The following TPD52 variants were observed in gnomAD, a reference collection of about 807,000 sequenced individuals.
TPD52 encodes the protein prostate and colon associated protein.
Under a neutral mutation model 31.3 loss-of-function variants are expected in TPD52, and 17 were observed. That is an observed-to-expected ratio of 0.54 (90% CI 0.37 to 0.82). The LOEUF (loss-of-function observed/expected upper bound fraction) is 0.82, where lower values mean the gene tolerates loss of function less well. Among genes scored for constraint, TPD52 ranks in the 40% least tolerant of loss-of-function variants. The pLI is 0.00. For missense variants in TPD52, 212 were observed against 240.1 expected (o/e 0.88, Z 0.77); for synonymous variants, 83 against 89.6 (o/e 0.93, Z 0.42).
intron 1 of TPD52, among the ~76,000 whole-genome samples, chr8:80,092,587 C>T (rs1428968152): frequency 6.6e-6 from 1 of 151,924 alleles, no homozygotes; most frequent in Non-Finnish European, 1.5e-5. Flanking sequence ...TACTACTTGG[C>T]CATAAAAAAA....
chr8:80,146,696 T>C (rs1012889935), intron 1 of TPD52, among the ~76,000 whole-genome samples: 1 of 152,164 alleles, frequency 6.6e-6, no homozygotes. Context: ...CAAAAAATAC[T>C]GGAAAGAATC....
intron 1 of TPD52, among the ~76,000 whole-genome samples, chr8:80,105,576 G>A (rs1008094695): frequency 1.3e-5 from 2 of 152,048 alleles, no homozygotes; most frequent in African/African-American, 4.8e-5. Context: ...CATGAGTCTT[G>A]CTGATGCTCT....
At chr8:80,055,975 T>C (rs531502799) in intron 2 of TPD52, among the ~76,000 whole-genome samples, 89 of 152,276 alleles carry the variant, frequency 5.8e-4, no homozygotes, top group African/African-American at 2.0e-3. Flanking sequence ...AAAAACAGTA[T>C]GGAGGTTTCT....
Position 80,062,541 on chromosome 8 carries a change from C to T in TPD52, c.135+1937G>A, listed in dbSNP as rs146605576. Among the ~76,000 whole-genome samples, 172 of 152,324 alleles carry T rather than the reference C, an allele frequency of 1.1e-3. 2 individuals are homozygous for T. The East Asian group carries it at 0.029, about 26-fold the overall frequency. The stretch of plus-strand genomic sequence containing the variant: ...AAAACCATAATGAGATATCACTTCA[C>T]ACCCACTAGGACTACTATAATCAAC... On this transcript the variant is annotated intron_variant, in intron 2 of 7. Transcript: ENST00000518937.
intron 4 of TPD52, 68 bp from the exon 5 acceptor site, chr8:80,050,539 C>G: frequency 6.7e-7 from 1 of 1,488,414 alleles, no homozygotes; most frequent in Non-Finnish European, 9.1e-7. Context: ...ATTAAATAAC[C>G]TAAGTTTTAA....
intron 1 of TPD52, among the ~76,000 whole-genome samples, chr8:80,081,303 A>C (rs927960124): frequency 6.6e-6 from 1 of 151,888 alleles, no homozygotes; most frequent in Non-Finnish European, 1.5e-5. Context: ...GCTGCAATAA[A>C]CCTGCGTACC....
chr8:80,137,933 G>A (rs545342459), intron 1 of TPD52, among the ~76,000 whole-genome samples: 1 of 151,892 alleles, frequency 6.6e-6, no homozygotes, highest in South Asian at 2.1e-4. Flanking sequence ...ATGAGACCCC[G>A]TCTCTTTTCT....
chr8:80,074,221 C>A (rs900277480), intron 1 of TPD52, among the ~76,000 whole-genome samples: 5 of 152,128 alleles, frequency 3.3e-5, no homozygotes, highest in Non-Finnish European at 7.4e-5. Flanking sequence ...TATTTAAGCA[C>A]AAACAAGAGG....
intron 1 of TPD52, among the ~76,000 whole-genome samples, chr8:80,146,878 C>CA (rs1423746077): frequency 6.6e-6 from 1 of 152,060 alleles, no homozygotes; most frequent in Non-Finnish European, 1.5e-5. Context: ...AAGGCACACA[C>CA]AAAAAAATCC....
chr8:80,078,320 A>C (rs980660662), intron 1 of TPD52, among the ~76,000 whole-genome samples: 1 of 152,208 alleles, frequency 6.6e-6, no homozygotes, highest in Admixed American at 6.5e-5. Context: ...ATTCCTTTTT[A>C]TATCAGTCCT....
rs758896480 is a variant in TPD52, at chr8:80,038,165, C to T, written c.575G>A (p.Ser192Asn). The T allele has an allele frequency of 6.2e-6, 10 of 1,614,072 alleles. No homozygotes were observed. The highest frequency in any genetic ancestry group is 8.5e-6 in the Non-Finnish European group (10 of 1,179,982). Reference sequence around the variant, plus strand: ...TGGAAGAGGCTCCGTGGTGGTGGCACTAGCATTTGCAGCCGAATTCAAGAC... The same window carrying T: ...TGGAAGAGGCTCCGTGGTGGTGGCATTAGCATTTGCAGCCGAATTCAAGAC... ...GEVLNSAANA[S>N]ATTTEPLPEK... Residue 192 changes from serine to asparagine, a missense_variant, in exon 8 of 8, where the codon AGT (serine) becomes AAT (asparagine). Ser to Asn is a conservative substitution (Grantham distance 46). Coordinates refer to ENST00000518937, the MANE Select transcript of TPD52 (RefSeq NM_001025253.3).
Position 80,171,383 on chromosome 8 carries a change from AGTCCAAGCC to A in TPD52, c.19+33_19+41del, listed in dbSNP as rs773706794. ...GAGCCAAAGCCCGAGTCCAAGCCCG[AGTCCAAGCC>A]CGAGCCCAAGCCCGCTGGGTCCGCG... On this transcript the variant is annotated intron_variant, in intron 1 of 7. Transcript: ENST00000518937. The A allele has an allele frequency of 2.1e-3, 3,399 of 1,592,040 alleles. 63 individuals carry two copies. In the African/African-American group the frequency reaches 0.037, roughly 17 times the overall value.
At chr8:80,073,587 T>C (rs1814178038) in intron 1 of TPD52, among the ~76,000 whole-genome samples, 1 of 152,218 alleles carries the variant, frequency 6.6e-6, no homozygotes, top group Non-Finnish European at 1.5e-5. Flanking sequence ...GCAGGATCTC[T>C]GATGCACAGT....
chr8:80,132,822 T>C (rs957293578), intron 1 of TPD52, among the ~76,000 whole-genome samples: 2 of 152,140 alleles, frequency 1.3e-5, no homozygotes, highest in East Asian at 3.9e-4. Flanking sequence ...GAAAGAAACA[T>C]GGGTCTCCTG....
At chr8:80,111,456 A>C (rs974964155) in intron 1 of TPD52, among the ~76,000 whole-genome samples, 2 of 152,226 alleles carry the variant, frequency 1.3e-5, no homozygotes, top group Non-Finnish European at 1.5e-5. Context: ...CTGTTTGGTT[A>C]GTGTGTAGGG....
intron 1 of TPD52, among the ~76,000 whole-genome samples, chr8:80,143,173 G>C (rs1360250670): frequency 6.6e-6 from 1 of 151,246 alleles, no homozygotes; most frequent in Non-Finnish European, 1.5e-5. Flanking sequence ...CTGCTGAAAA[G>C]ATGAAATATG....
intron 1 of TPD52, among the ~76,000 whole-genome samples, chr8:80,125,757 G>A (rs1019366134): frequency 6.6e-6 from 1 of 152,054 alleles, no homozygotes; most frequent in Non-Finnish European, 1.5e-5. Context: ...AATTTAAATA[G>A]GAAATATGAC....
At chr8:80,139,412 T>C (rs1230334223) in intron 1 of TPD52, among the ~76,000 whole-genome samples, 1 of 110,598 alleles carries the variant, frequency 9.0e-6, no homozygotes, top group South Asian at 2.6e-4. Context: ...AGTATTTTTA[T>C]GAAAAAAAAA....
Position 80,037,245 on chromosome 8 carries a change from T to A in TPD52, c.*871A>T, listed in dbSNP as rs1586118599. 2.0e-5 allele frequency: 3 copies of A among 152,710 alleles called. No homozygotes were observed. In the South Asian group the frequency reaches 6.2e-4, roughly 32 times the overall value. 9.5% of individuals were successfully genotyped at this position (152,710 alleles called of 1,614,324 possible). The stretch of plus-strand genomic sequence containing the variant: ...TCCCCTAATGTGATTGATATTGTCA[T>A]TTTTACCAGCTTCTAGATCTAAACT... On this transcript the variant is annotated 3_prime_UTR_variant, in exon 8 of 8. Transcript: ENST00000518937.
Sources: gnomAD v4.1 joint callset for allele counts (sites outside exome capture counted in the v4.1 genomes callset) on GRCh38, gnomAD v4.1.1 for gene constraint, MANE v1.5 for transcripts, NCBI Gene and HGNC (gene_info 2026-07-23, HGNC 2026-07-21) for gene names.